The following DNAH9 variants were observed in gnomAD, a reference collection of about 807,000 sequenced individuals.
The protein encoded by DNAH9 is DNAH9 variant protein.
Under a neutral mutation model 471.6 loss-of-function variants are expected in DNAH9, and 345 were observed. The observed-to-expected ratio is 0.73, with a 90% CI of 0.67 to 0.80. DNAH9 has a LOEUF of 0.80. DNAH9 is among the 30% of genes least tolerant of loss of function. The pLI, the probability that DNAH9 is intolerant of heterozygous loss-of-function variation, is 0.00. For missense variants in DNAH9, 5,407 were observed against 5,609.2 expected (o/e 0.96, Z 1.15); for synonymous variants, 2,093 against 2,123.6 (o/e 0.99, Z 0.40).
At chr17:11,671,408 G>A (rs566564214) in intron 17 of DNAH9, among the ~76,000 whole-genome samples, 7 of 152,090 alleles carry the variant, frequency 4.6e-5, no homozygotes, top group Non-Finnish European at 8.8e-5. Flanking sequence ...GGAAGCAGAG[G>A]GGGGGCAGAG....
chr17:11,622,953 T>C (rs1331232059), intron 6 of DNAH9, among the ~76,000 whole-genome samples: 1 of 142,904 alleles, frequency 7.0e-6, no homozygotes, highest in Non-Finnish European at 1.5e-5. Flanking sequence ...GCTCCTTTTC[T>C]TTTCTTTTCT....
intron 6 of DNAH9, among the ~76,000 whole-genome samples, chr17:11,621,653 C>A (rs1010819498): frequency 6.6e-6 from 1 of 152,092 alleles, no homozygotes; most frequent in East Asian, 1.9e-4. Context: ...GATACAAAGA[C>A]GACTGAAATG....
intron 19 of DNAH9, among the ~76,000 whole-genome samples, chr17:11,685,405 T>C (rs1424119220): frequency 6.6e-6 from 1 of 152,118 alleles, no homozygotes; most frequent in Non-Finnish European, 1.5e-5. Flanking sequence ...GGGGCCATGT[T>C]TTGACCATAA....
At chr17:11,610,358 T>C in intron 2 of DNAH9, 38 bp from the exon 3 acceptor site, 1 of 1,587,880 alleles carries the variant, frequency 6.3e-7, no homozygotes, top group Non-Finnish European at 8.6e-7. Flanking sequence ...GGGTTTTTGT[T>C]TTTGTTGTTA....
At chr17:11,752,088 T>C (rs763876830) in intron 32 of DNAH9, among the ~76,000 whole-genome samples, 17 of 152,116 alleles carry the variant, frequency 1.1e-4, no homozygotes, top group African/African-American at 1.2e-4. Flanking sequence ...CATAAAGCCA[T>C]ATGTGAATAA....
intron 36 of DNAH9, among the ~76,000 whole-genome samples, chr17:11,766,843 G>A (rs1438678973): frequency 6.6e-6 from 1 of 152,106 alleles, no homozygotes; most frequent in African/African-American, 2.4e-5. Context: ...GGTGGCGGGT[G>A]CCTGTAATCC....
Position 11,615,292 on chromosome 17 carries a change from G to T in DNAH9, c.905-2119G>T, listed in dbSNP as rs114560043. Reference sequence around the variant, plus strand: ...TGTTTGTATTTACATTCTTTAAAAAGGTATGAGCTCGGCTGGGCACAGTGG... The same window carrying T: ...TGTTTGTATTTACATTCTTTAAAAATGTATGAGCTCGGCTGGGCACAGTGG... On this transcript the variant is annotated intron_variant, in intron 4 of 68. Coordinates refer to ENST00000262442, the MANE Select transcript of DNAH9 (RefSeq NM_001372.4). Among the ~76,000 whole-genome samples the T allele has an allele frequency of 3.0e-3, 458 of 152,190 alleles. 3 individuals are homozygous for T. The highest frequency in any genetic ancestry group is 9.0e-3 in the African/African-American group (373 of 41,544).
chr17:11,690,795 A>G (rs2074322167), intron 20 of DNAH9, among the ~76,000 whole-genome samples: 1 of 152,142 alleles, frequency 6.6e-6, no homozygotes, highest in Admixed American at 6.5e-5. Flanking sequence ...TCAAGTGTCC[A>G]CTGAAAGCGA....
chr17:11,823,168 G>T, intron 48 of DNAH9, 134 bp downstream of exon 48: 1 of 747,958 alleles, frequency 1.3e-6, no homozygotes. Flanking sequence ...CATGTCATCA[G>T]TATCTATTAT....
chr17:11,935,373 A>ATTTT (rs140943753), intron 65 of DNAH9, among the ~76,000 whole-genome samples: 1 of 140,328 alleles, frequency 7.1e-6, no homozygotes, highest in Non-Finnish European at 1.5e-5. Flanking sequence ...ATTCCAAAAG[A>ATTTT]TTTTTTTTTT....
At chr17:11,827,683 G>T (rs1216672897) in intron 48 of DNAH9, among the ~76,000 whole-genome samples, 1 of 112,504 alleles carries the variant, frequency 8.9e-6, no homozygotes, top group Non-Finnish European at 1.9e-5. Context: ...GATCATCCTT[G>T]GTTCTTTTTT....
intron 26 of DNAH9, among the ~76,000 whole-genome samples, chr17:11,718,587 A>G (rs1363821647): frequency 6.6e-6 from 1 of 152,232 alleles, no homozygotes; most frequent in African/African-American, 2.4e-5. Context: ...GTTACTGGTA[A>G]AAAGAGTCCC....
rs1974740582 is a variant in DNAH9 at position 11,937,190 on chromosome 17, C to G, written c.12490-162C>G. 6.6e-6 allele frequency among the ~76,000 whole-genome samples: 1 copy of G among 152,098 alleles called. No homozygotes were observed. Among genetic ancestry groups the G allele is most frequent in the South Asian group, 2.1e-4 (1 of 4,830 alleles). ...GACAAAAATGGATGATGTCAAGGTG[C>G]ACTAATAGGTGGAGAGGGTGATGAA... On this transcript the variant is annotated intron_variant, in intron 65 of 68. Coordinates refer to ENST00000262442, the MANE Select transcript of DNAH9 (RefSeq NM_001372.4). This position sits in a 1 kb window ranked among gnomAD's most constrained non-coding sequence, Gnocchi z 4.1.
At chr17:11,652,645 T>A (rs537632224) in intron 13 of DNAH9, 116 bp from the exon 14 acceptor site, 2 of 969,702 alleles carry the variant, frequency 2.1e-6, no homozygotes, top group South Asian at 1.6e-5. Context: ...AAGTTACCTG[T>A]GTAGAAAAGT....
intron 50 of DNAH9, among the ~76,000 whole-genome samples, chr17:11,868,712 A>C (rs2150983884): frequency 6.6e-6 from 1 of 151,982 alleles, no homozygotes; most frequent in Non-Finnish European, 1.5e-5. Flanking sequence ...TCTTGCTTCT[A>C]ATAGCAGCAC....
At chr17:11,948,782 T>TAAAC (rs1458352424) in intron 67 of DNAH9, among the ~76,000 whole-genome samples, 3 of 152,112 alleles carry the variant, frequency 2.0e-5, no homozygotes, top group Admixed American at 1.3e-4. Context: ...CCCAGTGTCT[T>TAAAC]AAACAAATGA....
At chr17:11,795,987 T>G (rs1969224498) in intron 42 of DNAH9, among the ~76,000 whole-genome samples, 1 of 152,192 alleles carries the variant, frequency 6.6e-6, no homozygotes. Context: ...ATTCAAAGCT[T>G]AAGCTTCTCT....
chr17:11,939,385 C>T (rs1974822790), intron 66 of DNAH9, among the ~76,000 whole-genome samples: 1 of 152,218 alleles, frequency 6.6e-6, no homozygotes, highest in Non-Finnish European at 1.5e-5. Context: ...TCCCCTCCCC[C>T]AGCTAACCCA....
At chr17:11,852,791 T>C (rs961574225) in intron 49 of DNAH9, among the ~76,000 whole-genome samples, 2 of 131,228 alleles carry the variant, frequency 1.5e-5, no homozygotes, top group African/African-American at 2.8e-5. Context: ...ATAAGAGATA[T>C]ATATAAGAAA....
Sources: gnomAD v4.1 joint callset for allele counts (sites outside exome capture counted in the v4.1 genomes callset) on GRCh38, gnomAD v4.1.1 for gene constraint, Gnocchi (gnomAD v3.1) non-coding constraint, MANE v1.5 for transcripts, NCBI Gene and HGNC (gene_info 2026-07-23, HGNC 2026-07-21) for gene names.